The following MED12L variants were observed in gnomAD, a reference collection of about 807,000 sequenced individuals.
The protein encoded by MED12L is mediator of RNA polymerase II transcription subunit 12-like protein.
Under a neutral mutation model 281.3 loss-of-function variants are expected in MED12L, and 60 were observed. That is an observed-to-expected ratio of 0.21 (90% CI 0.17 to 0.26). The LOEUF (loss-of-function observed/expected upper bound fraction) is 0.26, where lower values mean the gene tolerates loss of function less well. Ranked by LOEUF, MED12L falls within the 10% of genes least tolerant of loss-of-function variation. MED12L has a pLI of 1.00. For missense variants in MED12L, 2,146 were observed against 2,680.9 expected, an observed-to-expected ratio of 0.80 and a Z score of 4.41; for synonymous variants, 974 against 987.2, an observed-to-expected ratio of 0.99 and a Z score of 0.25.
chr3:151,288,217 A>T (rs1559985392), intron 16 of MED12L, among the ~76,000 whole-genome samples: 1 of 152,244 alleles, frequency 6.6e-6, no homozygotes, highest in East Asian at 1.9e-4. Context: ...CATGCAAAGT[A>T]TGAGGCACAA....
At chr3:151,350,533 G>C (rs979584802) in intron 17 of MED12L, among the ~76,000 whole-genome samples, 5 of 152,098 alleles carry the variant, frequency 3.3e-5, no homozygotes, top group African/African-American at 9.7e-5. Flanking sequence ...AAGTACTGAA[G>C]AATGAGTTGA....
At chr3:151,218,059 T>G (rs1728588449) in intron 16 of MED12L, among the ~76,000 whole-genome samples, 1 of 152,206 alleles carries the variant, frequency 6.6e-6, no homozygotes, top group Non-Finnish European at 1.5e-5. Context: ...CTCCTTATCT[T>G]TAGTACAGAT....
At chr3:151,101,244 TAG>T (rs1205830160) in intron 2 of MED12L, among the ~76,000 whole-genome samples, 1 of 152,198 alleles carries the variant, frequency 6.6e-6, no homozygotes, top group Non-Finnish European at 1.5e-5. Flanking sequence ...TAACATTCCG[TAG>T]AGTGTACAAA....
At chr3:151,199,687 G>C (rs1725246542) in intron 16 of MED12L, among the ~76,000 whole-genome samples, 2 of 151,892 alleles carry the variant, frequency 1.3e-5, no homozygotes, top group South Asian at 4.2e-4. Context: ...TTCAACCTCA[G>C]GTTTTTCCAT....
chr3:151,151,344 G>A (rs1227813043), intron 5 of MED12L, among the ~76,000 whole-genome samples: 2 of 151,872 alleles, frequency 1.3e-5, no homozygotes, highest in Non-Finnish European at 2.9e-5. Flanking sequence ...GCCTGAAGTA[G>A]CATTTTTAAT....
At chr3:151,151,715 A>G (rs1489712060) in intron 5 of MED12L, among the ~76,000 whole-genome samples, 3 of 152,180 alleles carry the variant, frequency 2.0e-5, no homozygotes, top group Non-Finnish European at 4.4e-5. Flanking sequence ...AGACATTTAC[A>G]ATAGTCACTC....
At chr3:151,322,690 G>T (rs2149829754) in intron 16 of MED12L, among the ~76,000 whole-genome samples, 1 of 152,120 alleles carries the variant, frequency 6.6e-6, no homozygotes, top group African/African-American at 2.4e-5. Flanking sequence ...CTTCCTCCTT[G>T]AATCTCTCTT....
chr3:151,301,292 C>T (rs1745885068), intron 16 of MED12L, among the ~76,000 whole-genome samples: 1 of 152,094 alleles, frequency 6.6e-6, no homozygotes, highest in African/African-American at 2.4e-5. Context: ...TTTCAGTAAG[C>T]CTAAAAAGCT....
rs1719086398 is a variant in MED12L, at chr3:151,085,847, G to C, written c.-219G>C. The stretch of plus-strand genomic sequence containing the variant: ...ACCGCACAAATAAAATCAAATCCAA[G>C]TCCCCCATCCCAACCCGAATGATGG... On this transcript the variant is annotated 5_prime_UTR_variant, in exon 1 of 45. Transcript: ENST00000687756. 1 of 152,020 alleles carries C rather than the reference G, an allele frequency of 6.6e-6. No individual in the cohort carries two copies. The highest frequency in any genetic ancestry group is 1.5e-5 in the Non-Finnish European group (1 of 67,990). 9.4% of individuals were successfully genotyped at this position (152,020 alleles called of 1,614,324 possible).
intron 16 of MED12L, among the ~76,000 whole-genome samples, chr3:151,268,183 A>G (rs1284326973): frequency 6.6e-6 from 1 of 152,262 alleles, no homozygotes; most frequent in African/African-American, 2.4e-5. Flanking sequence ...CCTAAATCCT[A>G]TAAAATAATG....
At chr3:151,351,562 GT>G (rs546696755) in intron 17 of MED12L, among the ~76,000 whole-genome samples, 1 of 152,148 alleles carries the variant, frequency 6.6e-6, no homozygotes. Context: ...TTGTTTTGGT[GT>G]TTTCTCTGTC....
intron 16 of MED12L, among the ~76,000 whole-genome samples, chr3:151,302,056 T>C (rs180913460): frequency 1.3e-5 from 2 of 152,292 alleles, no homozygotes; most frequent in South Asian, 2.1e-4. Context: ...GGATGGAATA[T>C]TACTCAATAA....
rs1741216251 is a variant in MED12L at position 151,272,909 on chromosome 3, T to C, written c.2251-77150T>C. Among the ~76,000 whole-genome samples, 5 of 152,206 alleles carry C rather than the reference T, an allele frequency of 3.3e-5. No individual in the cohort carries two copies. In the South Asian group the frequency reaches 1.0e-3, roughly 31 times the overall value. ...TTAAGGAACACACTGGAATTTTGAA[T>C]ACAAGTTGAGTATCCCTAATCCCAA... is the stretch of plus-strand genomic sequence containing the variant. On this transcript the variant is annotated intron_variant, in intron 16 of 44. Transcript: ENST00000687756.
intron 16 of MED12L, among the ~76,000 whole-genome samples, chr3:151,301,515 T>C (rs1745921705): frequency 1.3e-5 from 2 of 152,222 alleles, no homozygotes; most frequent in African/African-American, 4.8e-5. Context: ...TATTTGCATG[T>C]TATATTTCTC....
At chr3:151,292,051 G>A (rs188553389) in intron 16 of MED12L, among the ~76,000 whole-genome samples, 47 of 152,266 alleles carry the variant, frequency 3.1e-4, no homozygotes, top group African/African-American at 1.1e-3. Context: ...TAGAATTGAG[G>A]CCTGAATGAA....
intron 16 of MED12L, among the ~76,000 whole-genome samples, chr3:151,255,823 G>A (rs1311880395): frequency 6.6e-6 from 1 of 152,156 alleles, no homozygotes; most frequent in Non-Finnish European, 1.5e-5. Flanking sequence ...CAGCAGCACT[G>A]CCTTGTATAA....
At chr3:151,222,052 A>T (rs1729467117) in intron 16 of MED12L, among the ~76,000 whole-genome samples, 1 of 152,132 alleles carries the variant, frequency 6.6e-6, no homozygotes, top group South Asian at 2.1e-4. Flanking sequence ...GTCAAAGGAG[A>T]TCGTTTGGGA....
intron 16 of MED12L, among the ~76,000 whole-genome samples, chr3:151,206,548 TC>T (rs1576967866): frequency 6.6e-6 from 1 of 151,962 alleles, no homozygotes; most frequent in East Asian, 1.9e-4. Flanking sequence ...TTAAAGATTA[TC>T]TCGTTTCTTT....
At chr3:151,262,863 G>A (rs527694347) in intron 16 of MED12L, among the ~76,000 whole-genome samples, 4 of 152,144 alleles carry the variant, frequency 2.6e-5, no homozygotes, top group East Asian at 3.9e-4. Flanking sequence ...TCCTGTTAAC[G>A]TCTCCTCAGT....
Sources: gnomAD v4.1 joint callset for allele counts (sites outside exome capture counted in the v4.1 genomes callset) on GRCh38, gnomAD v4.1.1 for gene constraint, MANE v1.5 for transcripts, NCBI Gene and HGNC (gene_info 2026-07-23, HGNC 2026-07-21) for gene names.